The following PCDHA9 variants were observed in gnomAD, a reference collection of about 807,000 sequenced individuals.
The protein encoded by PCDHA9 is protocadherin alpha-9.
Under a neutral mutation model 62.0 loss-of-function variants are expected in PCDHA9, and 62 were observed. The observed-to-expected ratio is 1.00, with a 90% confidence interval of 0.81 to 1.23. The LOEUF (loss-of-function observed/expected upper bound fraction) is 1.23. Ranked by LOEUF, PCDHA9 falls within the 50% of genes most tolerant of loss-of-function variation. PCDHA9 has a pLI of 0.00. For synonymous variants in PCDHA9, 557 were observed against 567.6 expected (o/e 0.98, Z 0.27); for missense variants, 1,205 against 1,249.8 (o/e 0.96, Z 0.54).
chr5:140,911,405 C>T (rs565928237), intron 1 of PCDHA9, among the ~76,000 whole-genome samples: 45 of 152,276 alleles, frequency 3.0e-4, no homozygotes, highest in South Asian at 1.5e-3. Flanking sequence ...AGGTCAGCCA[C>T]TGGTATGATA....
chr5:140,889,518 ATAT>A (rs2062258374), intron 1 of PCDHA9, among the ~76,000 whole-genome samples: 1 of 151,708 alleles, frequency 6.6e-6, no homozygotes, highest in South Asian at 2.1e-4. Flanking sequence ...TCCATTCTTG[ATAT>A]TATTTTTGCT....
intron 1 of PCDHA9, among the ~76,000 whole-genome samples, chr5:140,917,333 G>C (rs1301739777): frequency 6.7e-5 from 10 of 148,748 alleles, no homozygotes; most frequent in East Asian, 2.0e-4. Flanking sequence ...GCGGGGGAGG[G>C]GGGGGATGGT....
At chr5:140,879,137 G>A (rs1313863348) in intron 1 of PCDHA9, among the ~76,000 whole-genome samples, 2 of 152,210 alleles carry the variant, frequency 1.3e-5, no homozygotes, top group Non-Finnish European at 2.9e-5. Context: ...GGGAGATTGT[G>A]AAGGCAGGAA....
chr5:140,896,635 C>T (rs539969970), intron 1 of PCDHA9, among the ~76,000 whole-genome samples: 4 of 152,178 alleles, frequency 2.6e-5, no homozygotes, highest in South Asian at 4.1e-4. Context: ...CCTTGGCCTC[C>T]CAAAGTGCTA....
At chr5:140,937,020 G>A (rs2091265832) in intron 1 of PCDHA9, among the ~76,000 whole-genome samples, 1 of 151,388 alleles carries the variant, frequency 6.6e-6, no homozygotes. Flanking sequence ...CGATTAACAA[G>A]GTATATTCTT....
intron 1 of PCDHA9, chr5:140,927,070 A>G (rs1697871410): frequency 1.9e-6 from 3 of 1,610,816 alleles, no homozygotes; most frequent in Non-Finnish European, 2.5e-6. Context: ...CTTCCTTTCC[A>G]GCCACCGCGA....
chr5:140,927,974 T>C (rs1554205324), intron 1 of PCDHA9: 3 of 1,614,098 alleles, frequency 1.9e-6, no homozygotes, highest in Non-Finnish European at 2.5e-6. Context: ...GTGATTGCTC[T>C]CTTTAGTGTA....
chr5:140,971,161 C>T (rs189213416), intron 1 of PCDHA9, among the ~76,000 whole-genome samples: 1 of 152,292 alleles, frequency 6.6e-6, no homozygotes, highest in Non-Finnish European at 1.5e-5. Flanking sequence ...CCAGGCTCAG[C>T]TTTGCCACCA....
intron 1 of PCDHA9, among the ~76,000 whole-genome samples, chr5:140,924,969 A>C (rs781957377): frequency 5.3e-5 from 8 of 151,756 alleles, no homozygotes. Flanking sequence ...AGGTGAGTGC[A>C]GTGGCTCATG....
chr5:140,854,061 C>A, intron 1 of PCDHA9: 1 of 279,894 alleles, frequency 3.6e-6, no homozygotes, highest in Non-Finnish European at 5.4e-6. Flanking sequence ...ACTCAGGAGG[C>A]TGAGGCGAGA....
intron 3 of PCDHA9, among the ~76,000 whole-genome samples, chr5:141,006,789 C>T (rs1388215052): frequency 6.6e-6 from 1 of 152,026 alleles, no homozygotes; most frequent in Non-Finnish European, 1.5e-5. Flanking sequence ...GAATAATTAG[C>T]TTTGAACTTT....
At chr5:140,925,238 T>C (rs2082404327) in intron 1 of PCDHA9, among the ~76,000 whole-genome samples, 1 of 152,248 alleles carries the variant, frequency 6.6e-6, no homozygotes, top group African/African-American at 2.4e-5. Context: ...CCAGAAAATA[T>C]GTCCTGGAAA....
chr5:140,873,161 C>T (rs946054760), intron 1 of PCDHA9, among the ~76,000 whole-genome samples: 11 of 152,012 alleles, frequency 7.2e-5, no homozygotes, highest in South Asian at 4.2e-4. Context: ...GACTTTAGAT[C>T]GAGAGCTTTT....
chr5:140,870,339 G>A (rs1554164098), intron 1 of PCDHA9: 1 of 1,614,064 alleles, frequency 6.2e-7, no homozygotes, highest in East Asian at 2.2e-5. Context: ...ACAGCGCCCT[G>A]GACCGCGAGA....
intron 1 of PCDHA9, among the ~76,000 whole-genome samples, chr5:140,917,059 G>A (rs1174473146): frequency 6.6e-6 from 1 of 152,044 alleles, no homozygotes; most frequent in Non-Finnish European, 1.5e-5. Context: ...TCCCTGCTAC[G>A]ACAGCACCGA....
chr5:140,922,098 A>G (rs1193331436), intron 1 of PCDHA9, among the ~76,000 whole-genome samples: 2 of 152,176 alleles, frequency 1.3e-5, no homozygotes, highest in Non-Finnish European at 2.9e-5. Context: ...TCTACCAACT[A>G]TAGATAAATG....
intron 1 of PCDHA9, among the ~76,000 whole-genome samples, chr5:140,934,548 ATT>A (rs1290393008): frequency 1.3e-5 from 2 of 152,018 alleles, no homozygotes; most frequent in African/African-American, 2.4e-5. Context: ...TAATTCTATC[ATT>A]TCTTCTTTTT....
At chr5:140,868,935 G>A in intron 1 of PCDHA9, 1 of 1,171,026 alleles carries the variant, frequency 8.5e-7, no homozygotes, top group South Asian at 1.6e-5. Flanking sequence ...TTAAAGGTTG[G>A]TCTGAACAGT....
chr5:140,884,229 A>T (rs2060058344), intron 1 of PCDHA9: 2 of 1,613,258 alleles, frequency 1.2e-6, no homozygotes. Flanking sequence ...GTGAAGGACC[A>T]CGGTGAGCCC....
Sources: gnomAD v4.1 joint callset for allele counts (sites outside exome capture counted in the v4.1 genomes callset) on GRCh38, gnomAD v4.1.1 for gene constraint, MANE v1.5 for transcripts, NCBI Gene and HGNC (gene_info 2026-07-23, HGNC 2026-07-21) for gene names.